Variants in COL9A1 observed in about 807,000 individuals in gnomAD.
The protein encoded by COL9A1 is collagen alpha-1(IX) chain.
A neutral mutation model predicts 142.6 loss-of-function variants in COL9A1; 104 were observed. That is an observed-to-expected ratio of 0.73 (90% CI 0.62 to 0.86). The LOEUF is 0.86. COL9A1 is among the 40% of genes least tolerant of loss of function. The pLI is 0.00. For synonymous variants in COL9A1, 466 were observed against 396.0 expected (o/e 1.18, Z -2.10); for missense variants, 1,210 against 1,176.6 (o/e 1.03, Z -0.42).
intron 4 of COL9A1, among the ~76,000 whole-genome samples, chr6:70,295,716 G>A (rs1377841161): frequency 6.6e-6 from 1 of 152,152 alleles, no homozygotes; most frequent in Non-Finnish European, 1.5e-5. Context: ...GTCTGGAGCT[G>A]CACCAGCTAC....
chr6:70,232,604 G>A lies in COL9A1; in HGVS notation c.2482C>T (p.Leu828Phe). 1.2e-6 allele frequency: 2 copies of A among 1,614,012 alleles called. No homozygotes were observed. Among genetic ancestry groups the A allele is most frequent in the Non-Finnish European group, 1.7e-6 (2 of 1,180,032 alleles). ...LPGIKGPPGA[L>F]GLRGPKGDLG... ...TTACCTTTAGGTCCCCTCAAACCAA[G>A]AGCACCAGGGGGCCCCTTAATGCCC... The change falls in exon 36 of 38, where the codon CTT becomes TTT. Residue 828 changes from leucine to phenylalanine, a missense_variant. Physicochemically the swap from Leu to Phe is conservative, Grantham distance 22. Coordinates refer to ENST00000357250, the MANE Select transcript of COL9A1 (RefSeq NM_001851.6).
intron 29 of COL9A1, chr6:70,242,256 C>A: frequency 1.7e-6 from 1 of 604,684 alleles, no homozygotes; most frequent in South Asian, 1.8e-5. Flanking sequence ...CTCAGTTCCC[C>A]TTGCACTCCT....
chr6:70,226,123 A>G, intron 36 of COL9A1, 114 bp from the exon 37 acceptor site: 2 of 894,606 alleles, frequency 2.2e-6, no homozygotes, highest in African/African-American at 1.7e-5. Context: ...TGAAATTGCC[A>G]TAAACTAGAT....
chr6:70,215,526 T>G (rs1348129544), downstream of COL9A1: 1 of 152,192 alleles, frequency 6.6e-6, no homozygotes, highest in African/African-American at 2.4e-5. Context: ...TGATATAAAA[T>G]GAATATATTA....
At chr6:70,250,865 A>G (rs1770894815) in intron 28 of COL9A1, among the ~76,000 whole-genome samples, 1 of 152,230 alleles carries the variant, frequency 6.6e-6, no homozygotes, top group African/African-American at 2.4e-5. Flanking sequence ...ATAGTGAGAA[A>G]ATGGTCATTG....
At chr6:70,225,269 G>A (rs899405530) in intron 37 of COL9A1, among the ~76,000 whole-genome samples, 3 of 152,202 alleles carry the variant, frequency 2.0e-5, no homozygotes, top group Middle Eastern at 3.4e-3. Flanking sequence ...ATTTCCTAAG[G>A]GATAAGTGTG....
intron 24 of COL9A1, 56 bp from the exon 25 acceptor site, chr6:70,254,585 T>C (rs1372417240): frequency 1.3e-6 from 2 of 1,536,100 alleles, no homozygotes; most frequent in South Asian, 1.1e-5. Context: ...TGTATTTCTT[T>C]TAAGAAACGG....
At chr6:70,266,859 T>A in intron 17 of COL9A1, 89 bp from the exon 18 acceptor site, 1 of 1,031,756 alleles carries the variant, frequency 9.7e-7, no homozygotes, top group Non-Finnish European at 1.5e-6. Flanking sequence ...CCTAAATCAG[T>A]GCCAATGTAT....
At chr6:70,263,188 TG>T (rs1449345676) in intron 19 of COL9A1, 55 bp downstream of exon 19, 18 of 1,343,118 alleles carry the variant, frequency 1.3e-5, no homozygotes, top group Admixed American at 4.0e-5. Context: ...CCAACAGTCA[TG>T]AAAAAAAAGA....
intron 33 of COL9A1, among the ~76,000 whole-genome samples, chr6:70,238,552 T>C (rs530020273): frequency 7.2e-5 from 11 of 152,360 alleles, no homozygotes; most frequent in Non-Finnish European, 1.0e-4. Flanking sequence ...ATTAAGACAA[T>C]TACTGAAATA....
intron 37 of COL9A1, among the ~76,000 whole-genome samples, chr6:70,223,668 G>A (rs959492292): frequency 3.3e-5 from 5 of 152,240 alleles, no homozygotes; most frequent in South Asian, 2.1e-4. Context: ...CGCACTACAC[G>A]AGGACACCGC....
At chr6:70,266,843 T>G in intron 17 of COL9A1, 73 bp from the exon 18 acceptor site, 1 of 1,239,380 alleles carries the variant, frequency 8.1e-7, no homozygotes, top group South Asian at 1.2e-5. Flanking sequence ...AAAGTGATCC[T>G]GCTTCCCTAA....
intron 28 of COL9A1, among the ~76,000 whole-genome samples, chr6:70,248,303 G>A (rs1770724867): frequency 6.6e-6 from 1 of 152,184 alleles, no homozygotes; most frequent in African/African-American, 2.4e-5. Context: ...GAAACCTCTG[G>A]AGGCACCAAA....
At chr6:70,231,107 G>C (rs1769511749) in intron 36 of COL9A1, among the ~76,000 whole-genome samples, 1 of 152,130 alleles carries the variant, frequency 6.6e-6, no homozygotes, top group Non-Finnish European at 1.5e-5. Flanking sequence ...CAGAGTTTCT[G>C]ATTCAGTGGA....
At chr6:70,302,406 C>T (rs1318327141) in intron 1 of COL9A1, among the ~76,000 whole-genome samples, 1 of 152,002 alleles carries the variant, frequency 6.6e-6, no homozygotes, top group Non-Finnish European at 1.5e-5. Flanking sequence ...GACAGGGTTT[C>T]ACCATGGTGG....
chr6:70,252,072 C>G, intron 28 of COL9A1, 48 bp downstream of exon 28: 2 of 1,583,176 alleles, frequency 1.3e-6, no homozygotes, highest in Non-Finnish European at 1.7e-6. Context: ...GAACATCCAG[C>G]AAAGTCCTGA....
At position 70,216,592 on chromosome 6, in the gene COL9A1, C is replaced by T. The variant is rs1468956958; in HGVS notation, c.*305G>A. 2.3e-6 allele frequency: 1 copy of T among 428,126 alleles called. No homozygotes were observed. The highest frequency in any genetic ancestry group is 4.3e-6 in the Non-Finnish European group (1 of 230,158). 26.5% of individuals were successfully genotyped at this position (428,126 alleles called of 1,614,324 possible). A position where few individuals can be genotyped will look rare whatever the true frequency, so the allele number is the denominator to read the frequency against. On this transcript the variant is annotated 3_prime_UTR_variant, in exon 38 of 38. Transcript: ENST00000357250. The stretch of plus-strand genomic sequence containing the variant: ...CACGATAAGACACATAGGTATAGCA[C>T]ACTAAAGCTCAAGATCCTGGGAACA...
intron 10 of COL9A1, chr6:70,279,670 A>AAAAAAAAAAAAAAC (rs1554245283): frequency 7.0e-5 from 12 of 172,270 alleles, no homozygotes; most frequent in African/African-American, 3.1e-4. Context: ...AAAAAAAAAA[A>AAAAAAAAAAAAAAC]CACATACACA....
At chr6:70,274,158 G>T in intron 11 of COL9A1, 76 bp from the exon 12 acceptor site, 2 of 1,232,308 alleles carry the variant, frequency 1.6e-6, no homozygotes, top group Non-Finnish European at 2.3e-6. Context: ...CATAAATATT[G>T]AAAGCATTAA....
Sources: allele counts gnomAD v4.1 joint callset (sites outside exome capture counted in the v4.1 genomes callset), GRCh38; gene constraint gnomAD v4.1.1; transcripts MANE v1.5; gene names NCBI Gene and HGNC (gene_info 2026-07-23, HGNC 2026-07-21).